Variants in PRKCB observed in about 807,000 individuals in gnomAD.
PRKCB encodes the protein protein kinase C beta type.
Under a neutral mutation model 81.5 loss-of-function variants are expected in PRKCB, and 13 were observed. That is an observed-to-expected ratio of 0.16 (90% CI 0.10 to 0.25). The LOEUF (loss-of-function observed/expected upper bound fraction) is 0.25. Ranked by LOEUF, PRKCB falls within the 10% of genes least tolerant of loss-of-function variation. PRKCB has a pLI of 1.00. For missense variants in PRKCB, 509 were observed against 875.7 expected, an observed-to-expected ratio of 0.58 and a Z score of 5.29; for synonymous variants, 335 against 321.4, an observed-to-expected ratio of 1.04 and a Z score of -0.45.
chr16:23,860,493 G>C (rs1323801141), intron 2 of PRKCB, among the ~76,000 whole-genome samples: 1 of 152,120 alleles, frequency 6.6e-6, no homozygotes, highest in Non-Finnish European at 1.5e-5. Context: ...TAATACAGGG[G>C]TGCATTTTTA....
At chr16:24,190,797 G>T (rs1422225462) in intron 15 of PRKCB, among the ~76,000 whole-genome samples, 1 of 152,046 alleles carries the variant, frequency 6.6e-6, no homozygotes, top group Non-Finnish European at 1.5e-5. Context: ...GATTACAGGT[G>T]TGAGCCACTG....
At chr16:23,839,379 T>G (rs1413790703) in intron 2 of PRKCB, among the ~76,000 whole-genome samples, 2 of 149,922 alleles carry the variant, frequency 1.3e-5, no homozygotes, top group Admixed American at 1.4e-4. Context: ...GCTCAAGTGA[T>G]CCTCCTGCAT....
At chr16:24,210,095 A>G (rs183213753) in intron 16 of PRKCB, among the ~76,000 whole-genome samples, 6 of 152,336 alleles carry the variant, frequency 3.9e-5, no homozygotes, top group Admixed American at 2.6e-4. Flanking sequence ...AGCATGGGCA[A>G]CAGAGCAAGA....
chr16:24,024,154 C>T (rs1965445446), intron 3 of PRKCB, among the ~76,000 whole-genome samples: 4 of 152,324 alleles, frequency 2.6e-5, no homozygotes, highest in Admixed American at 1.3e-4. Flanking sequence ...CACCAACTGT[C>T]ATTTGCTACA....
rs569510913 is a variant in PRKCB at position 24,220,328 on chromosome 16, G to C, written c.*5512G>C. 5 of 473,788 alleles carry C rather than the reference G, an allele frequency of 1.1e-5. No individual in the cohort carries two copies. In the East Asian group the frequency reaches 1.9e-4, roughly 18 times the overall value. 29.3% of individuals were successfully genotyped at this position (473,788 alleles called of 1,614,324 possible). ...AATAAGCGCATTATCCAATTATAGA[G>C]GTACAATTTTCCAAACTTCCAGAAA... On this transcript the variant is annotated 3_prime_UTR_variant, in exon 17 of 17. Coordinates refer to ENST00000643927, the MANE Select transcript of PRKCB (RefSeq NM_002738.7).
rs553142487 is a variant in PRKCB at position 24,072,209 on chromosome 16, A to T, written c.530-20582A>T. On this transcript the variant is annotated intron_variant, in intron 5 of 16. Transcript: ENST00000643927. Reference sequence around the variant, plus strand: ...CATTCCAAAATAAAGCCCCATACTGATTAAGCAGTGACTACCCATCCCTGC... The same window carrying T: ...CATTCCAAAATAAAGCCCCATACTGTTTAAGCAGTGACTACCCATCCCTGC... Among the ~76,000 whole-genome samples, 3 of 152,230 alleles carry T rather than the reference A, an allele frequency of 2.0e-5. No individual in the cohort carries two copies. In the East Asian group the frequency reaches 5.8e-4, roughly 29 times the overall value.
intron 2 of PRKCB, among the ~76,000 whole-genome samples, chr16:23,905,054 T>C (rs1410240649): frequency 9.3e-5 from 2 of 21,434 alleles, no homozygotes; most frequent in Non-Finnish European, 1.5e-4. Context: ...TTTTTTTTTT[T>C]TTAATAAAAA....
At chr16:23,934,729 G>C (rs775009724) in intron 2 of PRKCB, among the ~76,000 whole-genome samples, 8 of 152,126 alleles carry the variant, frequency 5.3e-5, no homozygotes, top group Non-Finnish European at 1.0e-4. Context: ...TGGTGATGGG[G>C]GCACTAGAGG....
At chr16:24,049,911 C>T (rs1316321142) in intron 5 of PRKCB, among the ~76,000 whole-genome samples, 1 of 152,102 alleles carries the variant, frequency 6.6e-6, no homozygotes, top group Non-Finnish European at 1.5e-5. Flanking sequence ...TTACTGTACA[C>T]GTTAGACCTT....
At chr16:23,973,620 A>G (rs1964586518) in intron 2 of PRKCB, among the ~76,000 whole-genome samples, 1 of 152,236 alleles carries the variant, frequency 6.6e-6, no homozygotes, top group African/African-American at 2.4e-5. Context: ...TACAGTGAGC[A>G]TGTTAAACCT....
At chr16:24,212,579 C>G (rs564391025) in intron 16 of PRKCB, among the ~76,000 whole-genome samples, 1 of 149,730 alleles carries the variant, frequency 6.7e-6, no homozygotes, top group South Asian at 2.1e-4. Flanking sequence ...CTGGCTCAAG[C>G]AATTCTCTCA....
chr16:24,098,475 C>G (rs1289907428), intron 7 of PRKCB: 1 of 152,246 alleles, frequency 6.6e-6, no homozygotes, highest in East Asian at 1.9e-4. Flanking sequence ...TTTGGCCAGG[C>G]ATGGCGGCTC....
chr16:23,958,365 T>G (rs1964378196), intron 2 of PRKCB, among the ~76,000 whole-genome samples: 1 of 151,460 alleles, frequency 6.6e-6, no homozygotes. Flanking sequence ...AGTGCAGCAG[T>G]GCAATCTCAG....
At chr16:23,845,719 G>A (rs927571955) in intron 2 of PRKCB, among the ~76,000 whole-genome samples, 4 of 152,256 alleles carry the variant, frequency 2.6e-5, no homozygotes, top group African/African-American at 9.6e-5. Flanking sequence ...AGATGAGTAA[G>A]TATTTGGTAG....
At chr16:23,932,393 C>T (rs1004221290) in intron 2 of PRKCB, among the ~76,000 whole-genome samples, 2 of 152,136 alleles carry the variant, frequency 1.3e-5, no homozygotes, top group African/African-American at 4.8e-5. Flanking sequence ...TAAAACTAAG[C>T]GATGCTAGGT....
chr16:23,953,237 C>A (rs192865932), intron 2 of PRKCB, among the ~76,000 whole-genome samples: 20 of 152,294 alleles, frequency 1.3e-4, no homozygotes, highest in African/African-American at 4.6e-4. Context: ...GTGATTTACC[C>A]TAGAGAAAGC....
rs186778699 is a variant in PRKCB, at chr16:23,913,903, C to G, written c.206-74605C>G. On this transcript the variant is annotated intron_variant, in intron 2 of 16. Coordinates refer to ENST00000643927, the MANE Select transcript of PRKCB (RefSeq NM_002738.7). ...AGTTTCCTTAGCTTAAGCTGTGCCC[C>G]CTGTGTGCCATTTGCCTTGGGACAG... 1.3e-5 allele frequency among the ~76,000 whole-genome samples: 2 copies of G among 152,222 alleles called. 1 individual carries two copies. The highest frequency in any genetic ancestry group is 3.8e-4 in the East Asian group (2 of 5,196).
chr16:23,867,797 A>G (rs1191875970), intron 2 of PRKCB, among the ~76,000 whole-genome samples: 1 of 152,250 alleles, frequency 6.6e-6, no homozygotes, highest in Non-Finnish European at 1.5e-5. Flanking sequence ...GAGCAGACTT[A>G]GAAGTAGACC....
At chr16:23,949,928 C>T (rs1040504674) in intron 2 of PRKCB, among the ~76,000 whole-genome samples, 5 of 152,170 alleles carry the variant, frequency 3.3e-5, no homozygotes, top group Non-Finnish European at 7.4e-5. Context: ...CCACCCACAC[C>T]TCTTCCCTGT....
Sources: gnomAD v4.1 joint callset for allele counts (sites outside exome capture counted in the v4.1 genomes callset) on GRCh38, gnomAD v4.1.1 for gene constraint, MANE v1.5 for transcripts, NCBI Gene and HGNC (gene_info 2026-07-23, HGNC 2026-07-21) for gene names.